The following ASS1 variants were observed in gnomAD, a reference collection of about 807,000 sequenced individuals.
ASS1 encodes the protein argininosuccinate synthase.
Under a neutral mutation model 60.5 loss-of-function variants are expected in ASS1, and 58 were observed. The observed-to-expected ratio is 0.96, with a 90% CI of 0.78 to 1.19. The LOEUF (loss-of-function observed/expected upper bound fraction) is 1.19, where lower values mean the gene tolerates loss of function less well. Among genes scored for constraint, ASS1 ranks in the 50% most tolerant of loss-of-function variants. ASS1 has a pLI of 0.00. For missense variants in ASS1, 454 were observed against 547.3 expected, an observed-to-expected ratio of 0.83 and a Z score of 1.70; for synonymous variants, 200 against 206.9, an observed-to-expected ratio of 0.97 and a Z score of 0.29.
At chr9:130,450,209 G>T in intron 1 of ASS1, 1 of 954,844 alleles carries the variant, frequency 1.0e-6, no homozygotes, top group African/African-American at 1.8e-5. Flanking sequence ...TGGAAAGTAA[G>T]GTTTAGGGCC....
In ASS1 at chr9:130,491,550, G is replaced by A. The variant is rs905383202; in HGVS notation, c.970+2086G>A. Among the ~76,000 whole-genome samples, 2 of 152,226 alleles carry A rather than the reference G, an allele frequency of 1.3e-5. No individual in the cohort carries two copies. The highest frequency in any genetic ancestry group is 2.4e-5 in the African/African-American group (1 of 41,462). ...GAGCCGGGGACAGGCCAGCTGTAGC[G>A]GCCAAGTTCCCAGTTACTCCAACAG... On this transcript the variant is annotated intron_variant, in intron 12 of 14. Transcript: ENST00000352480. The surrounding 1 kb of genome is among the most constrained non-coding windows in gnomAD (Gnocchi z 5.3).
At chr9:130,466,543 G>A (rs1845747291) in intron 5 of ASS1, 182 bp from the exon 6 acceptor site, 4 of 654,442 alleles carry the variant, frequency 6.1e-6, no homozygotes, top group East Asian at 2.7e-5. Context: ...GCCCCGGTGA[G>A]GGAGTCTGTG....
intron 10 of ASS1, among the ~76,000 whole-genome samples, chr9:130,480,128 C>G (rs965606539): frequency 6.6e-6 from 1 of 152,214 alleles, no homozygotes; most frequent in African/African-American, 2.4e-5. Context: ...AGGCAGGGCC[C>G]CAGGACACAG....
At chr9:130,457,486 A>AT (rs1423324375) in intron 3 of ASS1, among the ~76,000 whole-genome samples, 2 of 152,024 alleles carry the variant, frequency 1.3e-5, no homozygotes, top group African/African-American at 4.8e-5. Flanking sequence ...AACAAAAAAA[A>AT]AGTTTTCACT....
At chr9:130,452,077 T>TCGG in intron 1 of ASS1, 147 bp from the exon 2 acceptor site, 1 of 740,630 alleles carries the variant, frequency 1.4e-6, no homozygotes. Flanking sequence ...GCACTGAAGG[T>TCGG]GAACATCCTG....
At chr9:130,454,263 C>G (rs1439959756) in intron 2 of ASS1, 42 bp from the exon 3 acceptor site, 2 of 1,592,996 alleles carry the variant, frequency 1.3e-6, no homozygotes, top group Non-Finnish European at 1.7e-6. Flanking sequence ...ACTCAGGGCT[C>G]CCCCCAGGGG....
intron 11 of ASS1, among the ~76,000 whole-genome samples, chr9:130,485,239 T>C (rs1332148179): frequency 6.6e-6 from 1 of 152,108 alleles, no homozygotes; most frequent in Non-Finnish European, 1.5e-5. Flanking sequence ...GAGACAAGAC[T>C]GTCAGTAAGT....
chr9:130,485,910 T>C (rs912339240), intron 11 of ASS1, among the ~76,000 whole-genome samples: 2 of 152,216 alleles, frequency 1.3e-5, no homozygotes, highest in African/African-American at 4.8e-5. Context: ...ACACTGGTCT[T>C]TCTGGACACA....
intron 8 of ASS1, among the ~76,000 whole-genome samples, chr9:130,475,338 T>A (rs1236556329): frequency 6.6e-6 from 1 of 152,202 alleles, no homozygotes; most frequent in South Asian, 2.1e-4. Flanking sequence ...TGTGTTTTCA[T>A]GTCCAATTAA....
intron 11 of ASS1, among the ~76,000 whole-genome samples, chr9:130,481,495 GATTCTAAAAT>G (rs1564156895): frequency 6.6e-6 from 1 of 152,182 alleles, no homozygotes; most frequent in Non-Finnish European, 1.5e-5. Flanking sequence ...TTTTTACTAA[GATTCTAAAAT>G]CCAAAGAGAG....
At chr9:130,495,068 C>G (rs771199883) in intron 13 of ASS1, 45 bp downstream of exon 13, 71 of 1,568,240 alleles carry the variant, frequency 4.5e-5, no homozygotes, top group Non-Finnish European at 5.9e-5. Flanking sequence ...GGGCACAGAG[C>G]CTATCTTTTG....
chr9:130,484,973 C>T (rs374005611), intron 11 of ASS1, among the ~76,000 whole-genome samples: 2 of 152,190 alleles, frequency 1.3e-5, no homozygotes, highest in African/African-American at 2.4e-5. Context: ...GTGAGCCCTC[C>T]GGAGGCTGCC....
intron 11 of ASS1, among the ~76,000 whole-genome samples, chr9:130,484,383 C>T (rs2118853237): frequency 6.6e-6 from 1 of 152,142 alleles, no homozygotes; most frequent in African/African-American, 2.4e-5. Context: ...CCACCTCTTT[C>T]TGCTTGGTCC....
Position 130,478,849 on chromosome 9 carries a change from T to A in ASS1, c.689-867T>A, listed in dbSNP as rs1353850461. ...AAGAATGGCGAGGCTGACAGCGCCT[T>A]GAGTGAAGCCCCTCCAAGCGGCGCC... is the stretch of plus-strand genomic sequence containing the variant. On this transcript the variant is annotated intron_variant, in intron 9 of 14. Coordinates refer to ENST00000352480, the MANE Select transcript of ASS1 (RefSeq NM_054012.4). This position sits in a 1 kb window ranked among gnomAD's most constrained non-coding sequence, Gnocchi z 4.7. Among the ~76,000 whole-genome samples the A allele has an allele frequency of 2.0e-5, 3 of 152,250 alleles. No individual in the cohort carries two copies. Among genetic ancestry groups the A allele is most frequent in the Admixed American group, 1.3e-4 (2 of 15,296 alleles).
intron 5 of ASS1, among the ~76,000 whole-genome samples, chr9:130,466,012 T>A (rs74440442): frequency 6.6e-6 from 1 of 152,320 alleles, no homozygotes; most frequent in African/African-American, 2.4e-5. Flanking sequence ...GGTCTTCCCA[T>A]GGCTGCTCTG....
intron 1 of ASS1, 170 bp downstream of exon 1, chr9:130,445,165 T>A: frequency 1.0e-6 from 1 of 985,194 alleles, no homozygotes; most frequent in Non-Finnish European, 1.2e-6. Context: ...GGGAAGGGGC[T>A]CCCGATGCTC....
chr9:130,484,338 T>A (rs506626), intron 11 of ASS1, among the ~76,000 whole-genome samples: 2 of 152,128 alleles, frequency 1.3e-5, no homozygotes, highest in Non-Finnish European at 2.9e-5. Context: ...CAGGGACAGA[T>A]GAGAAGAATT....
rs1386620165 is a variant in ASS1 at position 130,470,808 on chromosome 9, C to G, written c.496-26C>G. On this transcript the variant is annotated intron_variant, in intron 6 of 14. Transcript: ENST00000352480. This position sits in a 1 kb window ranked among gnomAD's most constrained non-coding sequence, Gnocchi z 4.3. ...ACGCGTCCTTCCAGCCGCCTTACCTCCACCTGTGCTGTCTCTTTCCTGCAG... is the reference window on the plus strand; with the variant it reads ...ACGCGTCCTTCCAGCCGCCTTACCTGCACCTGTGCTGTCTCTTTCCTGCAG... The G allele has an allele frequency of 1.2e-6, 2 of 1,612,416 alleles. No individual in the cohort carries two copies. Among genetic ancestry groups the G allele is most frequent in the Admixed American group, 3.3e-5 (2 of 60,028 alleles).
At chr9:130,499,318 G>A (rs888466755) in intron 13 of ASS1, among the ~76,000 whole-genome samples, 187 bp from the exon 14 acceptor site, 1 of 152,228 alleles carries the variant, frequency 6.6e-6, no homozygotes, top group Non-Finnish European at 1.5e-5. Flanking sequence ...TGGGTGCCTG[G>A]CCCAGAACAG....
Sources: allele counts gnomAD v4.1 joint callset (sites outside exome capture counted in the v4.1 genomes callset), GRCh38; gene constraint gnomAD v4.1.1; non-coding constraint Gnocchi (gnomAD v3.1); transcripts MANE v1.5; gene names NCBI Gene and HGNC (gene_info 2026-07-23, HGNC 2026-07-21).